EIF2S2: variants seen among roughly 807,000 people sequenced by gnomAD.
EIF2S2 encodes eukaryotic translation initiation factor 2 subunit beta.
EIF2S2 carries 4 observed loss-of-function variants against 44.0 expected under a neutral mutation model. The ratio of observed to expected loss-of-function variants is 0.09; its 90% CI spans 0.04 to 0.21. The LOEUF (loss-of-function observed/expected upper bound fraction) is 0.21, where lower values mean the gene tolerates loss of function less well. Among genes scored for constraint, EIF2S2 ranks in the 10% least tolerant of loss-of-function variants. The probability of loss-of-function intolerance (pLI) is 1.00; values close to 1 mark genes in which losing one functional copy is unlikely to be tolerated. For missense variants in EIF2S2, 154 were observed against 392.0 expected (o/e 0.39, Z 5.13); for synonymous variants, 108 against 128.3 (o/e 0.84, Z 1.07).
intron 8 of EIF2S2, among the ~76,000 whole-genome samples, chr20:34,090,239 C>T (rs1427232072): frequency 6.6e-6 from 1 of 152,230 alleles, no homozygotes; most frequent in Non-Finnish European, 1.5e-5. Flanking sequence ...GGGGCCAAGG[C>T]CAGGCCTGAA....
At chr20:34,090,025 C>G in intron 8 of EIF2S2, 120 bp from the exon 9 acceptor site, 1 of 1,088,028 alleles carries the variant, frequency 9.2e-7, no homozygotes, top group Non-Finnish European at 1.3e-6. Flanking sequence ...TAGCTGGGCA[C>G]CCAGACCAGG....
chr20:34,103,671 C>A, intron 2 of EIF2S2, 106 bp from the exon 3 acceptor site: 1 of 1,342,996 alleles, frequency 7.4e-7, no homozygotes, highest in South Asian at 1.6e-5. Context: ...AAAAGACTGA[C>A]TATTAATTAG....
intron 7 of EIF2S2, among the ~76,000 whole-genome samples, chr20:34,092,763 A>G (rs1428550392): frequency 1.3e-5 from 2 of 152,200 alleles, no homozygotes; most frequent in Non-Finnish European, 2.9e-5. Context: ...CCCCACACCA[A>G]GTGTAGCAAA....
In EIF2S2 at chr20:34,089,169, AAATCTATG is replaced by A. The variant is rs1229909879; in HGVS notation, c.*553_*560del. 6.5e-6 allele frequency: 1 copy of A among 152,852 alleles called. No individual in the cohort carries two copies. The highest frequency in any genetic ancestry group is 2.4e-5 in the African/African-American group (1 of 41,536). 9.5% of individuals were successfully genotyped at this position (152,852 alleles called of 1,614,324 possible). The stretch of plus-strand genomic sequence containing the variant: ...CATCCCCACATACGGAAAAGAATTC[AAATCTATG>A]GAGTCATTCCCTGGACACTGAAAAC... On this transcript the variant is annotated 3_prime_UTR_variant, in exon 9 of 9. Transcript: ENST00000374980.
intron 7 of EIF2S2, 139 bp downstream of exon 7, chr20:34,093,536 G>C: frequency 1.4e-6 from 1 of 690,948 alleles, no homozygotes; most frequent in Non-Finnish European, 2.3e-6. Flanking sequence ...GAAATGAAGT[G>C]ATTTCACTCC....
rs376918502 is a variant in EIF2S2, at chr20:34,110,670, T to C, written c.15+1426A>G. Among the ~76,000 whole-genome samples the C allele has an allele frequency of 7.9e-5, 12 of 152,346 alleles. 1 individual carries two copies. Among genetic ancestry groups the C allele is most frequent in the African/African-American group, 2.6e-4 (11 of 41,584 alleles). ...CCCTCTAGCCCTCCAAGTCACTACG[T>C]TGATGGTCCTATTTCTACCTTGTGT... On this transcript the variant is annotated intron_variant, in intron 1 of 8. Transcript: ENST00000374980.
At chr20:34,107,346 G>T (rs1198317627) in intron 1 of EIF2S2, among the ~76,000 whole-genome samples, 2 of 152,200 alleles carry the variant, frequency 1.3e-5, no homozygotes, top group Non-Finnish European at 2.9e-5. Context: ...TAATAGTAAA[G>T]TGTTTAAAAG....
chr20:34,108,907 T>C (rs890288547), intron 1 of EIF2S2, among the ~76,000 whole-genome samples: 8 of 152,018 alleles, frequency 5.3e-5, no homozygotes, highest in African/African-American at 1.9e-4. Context: ...ATGCTAAGTG[T>C]TGCCATCTCT....
chr20:34,104,089 G>A (rs1471668633), intron 2 of EIF2S2, among the ~76,000 whole-genome samples: 1 of 152,182 alleles, frequency 6.6e-6, no homozygotes, highest in Non-Finnish European at 1.5e-5. Context: ...GGACCATGTT[G>A]AGAATATTTA....
Position 34,112,093 on chromosome 20 carries a change from C to G in EIF2S2, c.15+3G>C. 1 of 1,563,462 alleles carries G rather than the reference C, an allele frequency of 6.4e-7. No individual in the cohort carries two copies. The highest frequency in any genetic ancestry group is 8.7e-7 in the Non-Finnish European group (1 of 1,152,542). ...AGCCCTTACGCCGGGCTCAGATCCT[C>G]ACCTCGTCCCCAGACATGGCTGCGG... On this transcript the variant is annotated splice_donor_region_variant and intron_variant, in intron 1 of 8. Transcript: ENST00000374980.
At chr20:34,097,677 T>C (rs1479680839) in intron 4 of EIF2S2, among the ~76,000 whole-genome samples, 161 bp from the exon 5 acceptor site, 1 of 152,196 alleles carries the variant, frequency 6.6e-6, no homozygotes, top group Non-Finnish European at 1.5e-5. Flanking sequence ...TCACAACCCT[T>C]TTCCTTAGAA....
intron 1 of EIF2S2, among the ~76,000 whole-genome samples, chr20:34,109,842 C>T (rs1200430919): frequency 3.3e-5 from 5 of 150,918 alleles, no homozygotes; most frequent in African/African-American, 7.3e-5. Context: ...TGGTGGTTCA[C>T]GCCTGTAATC....
In EIF2S2 at chr20:34,111,551, G is replaced by A. The variant is rs908979767; in HGVS notation, c.15+545C>T. 4.6e-5 allele frequency among the ~76,000 whole-genome samples: 7 copies of A among 152,310 alleles called. No homozygotes were observed. In the East Asian group the frequency reaches 1.4e-3, roughly 29 times the overall value. ...AGGTCAGTCACTTCCTGAGGCTGCAGAATCTTTTTCTCTCGTTCTAACCCC... is the reference window on the plus strand; with the variant it reads ...AGGTCAGTCACTTCCTGAGGCTGCAAAATCTTTTTCTCTCGTTCTAACCCC... On this transcript the variant is annotated intron_variant, in intron 1 of 8. Transcript: ENST00000374980.
At chr20:34,103,650 C>T in intron 2 of EIF2S2, 85 bp from the exon 3 acceptor site, 2 of 1,398,088 alleles carry the variant, frequency 1.4e-6, no homozygotes, top group Non-Finnish European at 1.9e-6. Context: ...AGCAATTAAT[C>T]AAGTCACCAG....
At chr20:34,095,961 T>C (rs114461905) in intron 6 of EIF2S2, among the ~76,000 whole-genome samples, 148 of 152,324 alleles carry the variant, frequency 9.7e-4, no homozygotes, top group African/African-American at 3.4e-3. Flanking sequence ...AACCCAGGGC[T>C]GACTCTGGCA....
intron 7 of EIF2S2, among the ~76,000 whole-genome samples, chr20:34,091,383 T>C (rs529738084): frequency 7.8e-4 from 119 of 152,340 alleles, no homozygotes; most frequent in African/African-American, 2.8e-3. Context: ...TTGATTGTGG[T>C]AGCAGTTATA....
chr20:34,107,133 G>A (rs919326787), intron 1 of EIF2S2, among the ~76,000 whole-genome samples: 2 of 151,942 alleles, frequency 1.3e-5, no homozygotes, highest in South Asian at 2.1e-4. Context: ...AGCCGAGATC[G>A]TGCCACTGCC....
At position 34,098,622 on chromosome 20, in the gene EIF2S2, A is replaced by G. The variant is rs910940039; in HGVS notation, c.309T>C (p.Ile103=). 7 of 1,613,784 alleles carry G rather than the reference A, an allele frequency of 4.3e-6. No individual in the cohort carries two copies. In the South Asian group the frequency reaches 7.7e-5, roughly 18 times the overall value. ...EAEEGVKDLK[I]ESDVQEPTEP... ...CAGTTGGTTCTTGAACATCACTTTC[A>G]ATCTTAAGATCCTAAGAAAGTGAGA... Residue 103 remains isoleucine, a synonymous_variant, in exon 4 of 9, where the codon ATT becomes ATC. Coordinates refer to ENST00000374980, the MANE Select transcript of EIF2S2 (RefSeq NM_003908.5).
chr20:34,093,644 G>A (rs369451044), intron 7 of EIF2S2, 31 bp downstream of exon 7: 2 of 1,551,012 alleles, frequency 1.3e-6, no homozygotes, highest in South Asian at 2.3e-5. Context: ...ATGTCCAGCA[G>A]TACTGTATGT....
Sources: gnomAD v4.1 joint callset for allele counts (sites outside exome capture counted in the v4.1 genomes callset) on GRCh38, gnomAD v4.1.1 for gene constraint, MANE v1.5 for transcripts, NCBI Gene and HGNC (gene_info 2026-07-23, HGNC 2026-07-21) for gene names.